Variants in CCR3 observed in about 807,000 individuals in gnomAD.
CCR3 encodes the protein C-C motif chemokine receptor 3.
For missense variants in CCR3, 419 were observed against 437.5 expected (o/e 0.96, Z 0.38); for synonymous variants, 203 against 179.2 (o/e 1.13, Z -1.06).
At chr3:46,250,914 G>T (rs558634429) in intron 1 of CCR3, among the ~76,000 whole-genome samples, 1 of 152,026 alleles carries the variant, frequency 6.6e-6, no homozygotes, top group South Asian at 2.1e-4. Context: ...AGGGATTGGG[G>T]CACAGAGATA....
intron 1 of CCR3, among the ~76,000 whole-genome samples, chr3:46,249,860 C>T (rs1325943562): frequency 7.1e-6 from 1 of 141,198 alleles, no homozygotes; most frequent in Admixed American, 6.9e-5. Flanking sequence ...ACAGTGGAGG[C>T]AGGGAATTGC....
At chr3:46,250,182 C>A (rs553178182) in intron 1 of CCR3, among the ~76,000 whole-genome samples, 1 of 152,026 alleles carries the variant, frequency 6.6e-6, no homozygotes, top group South Asian at 2.1e-4. Context: ...TGGCTCCAGG[C>A]ACCTTTTTAA....
intron 2 of CCR3, among the ~76,000 whole-genome samples, chr3:46,223,160 T>G (rs536424195): frequency 1.2e-4 from 18 of 152,186 alleles, no homozygotes; most frequent in Admixed American, 2.6e-4. Context: ...GAGACCAGCC[T>G]GGCCAATGTG....
At chr3:46,216,969 A>G (rs555105069) in intron 2 of CCR3, among the ~76,000 whole-genome samples, 13 of 152,236 alleles carry the variant, frequency 8.5e-5, no homozygotes, top group Non-Finnish European at 1.8e-4. Context: ...TCAGGCAACA[A>G]CTAGCATGAT....
intron 1 of CCR3, among the ~76,000 whole-genome samples, chr3:46,245,252 T>C (rs1313540010): frequency 6.6e-6 from 1 of 151,508 alleles, no homozygotes; most frequent in Non-Finnish European, 1.5e-5. Flanking sequence ...TCTTCTTGTG[T>C]ATTTCCAGGG....
At chr3:46,262,885 G>A (rs1700553755) in intron 1 of CCR3, among the ~76,000 whole-genome samples, 2 of 152,216 alleles carry the variant, frequency 1.3e-5, no homozygotes, top group Non-Finnish European at 1.5e-5. Flanking sequence ...GAATTCCTGG[G>A]CTCAGGTGAG....
At chr3:46,221,895 C>G (rs982012311) in intron 2 of CCR3, among the ~76,000 whole-genome samples, 2 of 152,162 alleles carry the variant, frequency 1.3e-5, no homozygotes, top group African/African-American at 4.8e-5. Context: ...CTGGCCGCCA[C>G]CCCTCACTTA....
chr3:46,262,664 A>AT (rs1389817263), intron 1 of CCR3, among the ~76,000 whole-genome samples: 10 of 151,774 alleles, frequency 6.6e-5, no homozygotes, highest in African/African-American at 2.4e-4. Context: ...TTATTTATTT[A>AT]TTTATTTTTT....
intron 1 of CCR3, among the ~76,000 whole-genome samples, chr3:46,243,441 A>T (rs921295174): frequency 3.3e-5 from 5 of 152,136 alleles, no homozygotes; most frequent in African/African-American, 1.2e-4. Flanking sequence ...TTTCATTGAA[A>T]ATCCACACTA....
At chr3:46,212,470 C>T (rs917195604) in intron 2 of CCR3, among the ~76,000 whole-genome samples, 1 of 143,454 alleles carries the variant, frequency 7.0e-6, no homozygotes, top group Non-Finnish European at 1.5e-5. Context: ...TCATTTCCCC[C>T]CTCTTGGCCC....
At chr3:46,227,538 CT>C (rs1379936373) in intron 2 of CCR3, among the ~76,000 whole-genome samples, 1 of 151,568 alleles carries the variant, frequency 6.6e-6, no homozygotes, top group Non-Finnish European at 1.5e-5. Context: ...TATATTTTCT[CT>C]TTATTTTTGT....
At chr3:46,220,332 A>G (rs1699822027) in intron 2 of CCR3, among the ~76,000 whole-genome samples, 1 of 152,196 alleles carries the variant, frequency 6.6e-6, no homozygotes, top group Non-Finnish European at 1.5e-5. Context: ...AAAAAATCAA[A>G]AAATAATAGA....
intron 2 of CCR3, among the ~76,000 whole-genome samples, chr3:46,222,028 C>G (rs1031817088): frequency 6.6e-6 from 1 of 152,230 alleles, no homozygotes; most frequent in Non-Finnish European, 1.5e-5. Context: ...AAGATTCCCC[C>G]TGAGGACTGG....
At chr3:46,233,999 G>A (rs1699996284) in intron 2 of CCR3, among the ~76,000 whole-genome samples, 2 of 152,208 alleles carry the variant, frequency 1.3e-5, no homozygotes, top group African/African-American at 4.8e-5. Context: ...CACCTCCTGG[G>A]CTGCAATGGA....
upstream of CCR3, among the ~76,000 whole-genome samples, chr3:46,241,177 C>CTCTCTCTCTCTG: frequency 6.6e-6 from 1 of 151,870 alleles, no homozygotes; most frequent in East Asian, 1.9e-4. Context: ...CTCTCTCTCT[C>CTCTCTCTCTCTG]TCTCTGTCTC....
intron 2 of CCR3, among the ~76,000 whole-genome samples, chr3:46,214,437 G>A (rs1699750945): frequency 1.3e-5 from 2 of 152,020 alleles, no homozygotes; most frequent in Admixed American, 6.6e-5. Context: ...CTCTCATCTT[G>A]TCAGTTTTTC....
At chr3:46,250,948 G>T (rs576899726) in intron 1 of CCR3, among the ~76,000 whole-genome samples, 11 of 152,124 alleles carry the variant, frequency 7.2e-5, no homozygotes, top group African/African-American at 2.7e-4. Context: ...AGGAAATAAG[G>T]GATTGGGGTG....
At chr3:46,239,223 T>C (rs1053608266), upstream of CCR3, among the ~76,000 whole-genome samples, 3 of 152,162 alleles carry the variant, frequency 2.0e-5, no homozygotes, top group Non-Finnish European at 1.5e-5. Context: ...GAAATGGAAG[T>C]GACTGAATTT....
chr3:46,243,016 T>TATATATATATATATAC (rs1700122982), intron 1 of CCR3, among the ~76,000 whole-genome samples: 1 of 143,118 alleles, frequency 7.0e-6, no homozygotes, highest in Non-Finnish European at 1.5e-5. Context: ...CACACACACA[T>TATATATATATATATAC]ACATTTTTAT....
Sources: allele counts gnomAD v4.1 joint callset (sites outside exome capture counted in the v4.1 genomes callset), GRCh38; gene constraint gnomAD v4.1.1; transcripts MANE v1.5; gene names NCBI Gene and HGNC (gene_info 2026-07-23, HGNC 2026-07-21).